Variants in BICRA observed in about 807,000 individuals in gnomAD.
BICRA encodes the protein BRD4-interacting chromatin-remodeling complex-associated protein.
Under a neutral mutation model 96.9 loss-of-function variants are expected in BICRA, and 31 were observed. The ratio of observed to expected loss-of-function variants is 0.32; its 90% CI spans 0.24 to 0.43. The LOEUF is 0.43. Among genes scored for constraint, BICRA ranks in the 20% least tolerant of loss-of-function variants. The probability of loss-of-function intolerance (pLI) is 1.00; values close to 1 mark genes in which losing one functional copy is unlikely to be tolerated. For missense variants in BICRA, 2,283 were observed against 2,190.3 expected (o/e 1.04, Z -0.84); for synonymous variants, 1,350 against 1,071.8 (o/e 1.26, Z -5.07).
At chr19:47,624,081 C>A (rs895093418) in intron 1 of BICRA, among the ~76,000 whole-genome samples, 1 of 152,008 alleles carries the variant, frequency 6.6e-6, no homozygotes, top group Non-Finnish European at 1.5e-5. Flanking sequence ...GAACTCCCGA[C>A]CTCAGATGAT....
At chr19:47,639,629 ATTTTTTT>A (rs55946534) in intron 1 of BICRA, among the ~76,000 whole-genome samples, 4 of 105,832 alleles carry the variant, frequency 3.8e-5, no homozygotes, top group African/African-American at 3.9e-5. Context: ...CGGCCAGCCA[ATTTTTTT>A]TTTTTTTTTT....
In BICRA at chr19:47,680,557, C is replaced by A; in HGVS notation, c.1387C>A (p.Gln463Lys). ...NQGSSIVIPA[Q>K]HMLPGQNQFL... is the part of the protein sequence containing the mutation. ...AGGCAGCAGCATCGTCATCCCCGCCCAGCACATGCTGCCGGGCCAGAACCA... is the reference window on the plus strand; with the variant it reads ...AGGCAGCAGCATCGTCATCCCCGCCAAGCACATGCTGCCGGGCCAGAACCA... Residue 463 changes from glutamine to lysine, a missense_variant, in exon 6 of 15, where the codon CAG becomes AAG. Coordinates refer to ENST00000594866, the MANE Select transcript of BICRA (RefSeq NM_001394372.1). 6.3e-7 allele frequency: 1 copy of A among 1,591,992 alleles called. No homozygotes were observed. The highest frequency in any genetic ancestry group is 2.3e-5 in the East Asian group (1 of 43,710).
intron 1 of BICRA, among the ~76,000 whole-genome samples, chr19:47,664,439 G>T (rs2123564687): frequency 6.6e-6 from 1 of 152,286 alleles, no homozygotes; most frequent in Non-Finnish European, 1.5e-5. Context: ...TTTATAGTGT[G>T]GTGGTGAAGA....
In BICRA at chr19:47,681,374, A is replaced by AC. The variant is rs200140795; in HGVS notation, c.2106+99dup. On this transcript the variant is annotated intron_variant, in intron 6 of 14. Transcript: ENST00000594866. ...GCGCCAAGATCCAAAAGTGGATGCCACTGTGGCAGCTGGGGGGGGAAGGTC... is the reference window on the plus strand; with the variant it reads ...GCGCCAAGATCCAAAAGTGGATGCCACCTGTGGCAGCTGGGGGGGGAAGGTC... The AC allele has an allele frequency of 3.6e-3, 3,884 of 1,076,316 alleles. 112 individuals carry two copies. In the African/African-American group the frequency reaches 0.074, roughly 21 times the overall value. The allele number at this position is 1,076,316 out of a possible 1,614,324, so 66.7% of individuals were successfully genotyped here.
chr19:47,667,042 G>A (rs1360425184), intron 1 of BICRA, among the ~76,000 whole-genome samples: 3 of 147,054 alleles, frequency 2.0e-5, no homozygotes, highest in Non-Finnish European at 4.5e-5. Flanking sequence ...TTTTTGAGAC[G>A]GAGTCTTGCT....
Position 47,694,947 on chromosome 19 carries a change from C to A in BICRA, c.2943C>A (p.Ala981=). 1 of 1,541,250 alleles carries A rather than the reference C, an allele frequency of 6.5e-7. No individual in the cohort carries two copies. The highest frequency in any genetic ancestry group is 2.2e-5 in the Admixed American group (1 of 46,106). The change falls in exon 9 of 15, where the codon GCC becomes GCA. Residue 981 remains alanine, a synonymous_variant. Transcript: ENST00000594866. ...AGAACAAGGCTGGGGGGGCCCCTGC[C>A]GCCCCGCAGACCTCCACCAGCCTGG... is the stretch of plus-strand genomic sequence containing the variant. ...ILQNKAGGAP[A]APQTSTSLGP... is the part of the protein sequence containing the mutation.
At position 47,636,531 on chromosome 19, in the gene BICRA, A is replaced by C. The variant is rs551422456; in HGVS notation, c.-108+27363A>C. On this transcript the variant is annotated intron_variant, in intron 1 of 14. Coordinates refer to ENST00000594866, the MANE Select transcript of BICRA (RefSeq NM_001394372.1). The stretch of plus-strand genomic sequence containing the variant: ...CCAGCCTGTATTATTAATATTATTG[A>C]GATGGAGTCTCTGTCACCCAGGCTG... 2.2e-4 allele frequency among the ~76,000 whole-genome samples: 33 copies of C among 151,840 alleles called. 1 individual carries two copies. The highest frequency in any genetic ancestry group is 8.0e-4 in the African/African-American group (33 of 41,388).
intron 7 of BICRA, among the ~76,000 whole-genome samples, chr19:47,691,161 T>G (rs1371334176): frequency 6.6e-6 from 1 of 152,240 alleles, no homozygotes; most frequent in Non-Finnish European, 1.5e-5. Flanking sequence ...CGCTCACTTG[T>G]GTGGCTATTA....
At chr19:47,632,920 T>C (rs191302137) in intron 1 of BICRA, among the ~76,000 whole-genome samples, 2 of 152,058 alleles carry the variant, frequency 1.3e-5, no homozygotes, top group African/African-American at 2.4e-5. Context: ...GACAGCAGAG[T>C]CTGCCTCCCG....
At chr19:47,613,495 T>A (rs1971940196) in intron 1 of BICRA, among the ~76,000 whole-genome samples, 1 of 152,090 alleles carries the variant, frequency 6.6e-6, no homozygotes, top group South Asian at 2.1e-4. Flanking sequence ...CTGGTCATAT[T>A]TGAGCTTTCT....
chr19:47,642,472 G>A (rs144200674), intron 1 of BICRA, among the ~76,000 whole-genome samples: 1,526 of 152,192 alleles, frequency 0.01, 27 homozygotes, highest in African/African-American at 0.034. Context: ...AGACTGAGGC[G>A]AGAGGACTGC....
chr19:47,651,946 G>T (rs1169594165), intron 1 of BICRA, among the ~76,000 whole-genome samples: 1 of 152,192 alleles, frequency 6.6e-6, no homozygotes, highest in Non-Finnish European at 1.5e-5. Context: ...ACCTGCTCTG[G>T]GACAGGAACG....
chr19:47,681,562 C>T (rs1489541565), intron 6 of BICRA, among the ~76,000 whole-genome samples: 1 of 152,024 alleles, frequency 6.6e-6, no homozygotes, highest in Non-Finnish European at 1.5e-5. Context: ...AAGAGAGGGA[C>T]CAGTGAACAG....
chr19:47,624,666 G>T (rs1409006619), intron 1 of BICRA, among the ~76,000 whole-genome samples: 1 of 151,560 alleles, frequency 6.6e-6, no homozygotes, highest in African/African-American at 2.4e-5. Context: ...AACAAGTTAT[G>T]CCTGTACCTC....
intron 7 of BICRA, among the ~76,000 whole-genome samples, chr19:47,688,953 A>T (rs1214012640): frequency 1.3e-5 from 2 of 151,868 alleles, no homozygotes; most frequent in Non-Finnish European, 2.9e-5. Flanking sequence ...CAGCCTCCCA[A>T]GTAACTTGGA....
chr19:47,681,499 C>G (rs535353565), intron 6 of BICRA, among the ~76,000 whole-genome samples: 61 of 152,168 alleles, frequency 4.0e-4, no homozygotes, highest in African/African-American at 1.4e-3. Flanking sequence ...GACTGATAGA[C>G]AAGGGGCAGG....
In BICRA at chr19:47,612,456, G is replaced by A. The variant is rs111354027; in HGVS notation, c.-108+3288G>A. On this transcript the variant is annotated intron_variant, in intron 1 of 14. Transcript: ENST00000594866. ...AAAATAAAAAATGTAAAGGTGAGTG[G>A]CAGAATACCTTTGCCCCAGAAGAAT... Among the ~76,000 whole-genome samples, 899 of 152,144 alleles carry A rather than the reference G, an allele frequency of 5.9e-3. 7 individuals are homozygous for A. The highest frequency in any genetic ancestry group is 0.021 in the African/African-American group (860 of 41,498).
intron 1 of BICRA, among the ~76,000 whole-genome samples, chr19:47,634,064 T>G (rs974711317): frequency 8.5e-5 from 13 of 152,210 alleles, no homozygotes; most frequent in African/African-American, 3.1e-4. Flanking sequence ...CATCCCAGGC[T>G]GCATACTGCA....
rs1427846020 is a variant in BICRA, at chr19:47,699,250, C to T, written c.3493-53C>T. ...CACGCATCGTCCCCGTCGCTCGCGC[C>T]CCTTCCCCCTTCTTGCTGGTTCACT... On this transcript the variant is annotated intron_variant, in intron 13 of 14. Coordinates refer to ENST00000594866, the MANE Select transcript of BICRA (RefSeq NM_001394372.1). The surrounding 1 kb of genome is among the most constrained non-coding windows in gnomAD (Gnocchi z 5.0). 1.5e-5 allele frequency: 16 copies of T among 1,073,136 alleles called. No individual in the cohort carries two copies. Among genetic ancestry groups the T allele is most frequent in the African/African-American group, 9.4e-5 (6 of 64,052 alleles). 66.5% of individuals were successfully genotyped at this position (1,073,136 alleles called of 1,614,324 possible).
Sources: gnomAD v4.1 joint callset for allele counts (sites outside exome capture counted in the v4.1 genomes callset) on GRCh38, gnomAD v4.1.1 for gene constraint, Gnocchi (gnomAD v3.1) non-coding constraint, MANE v1.5 for transcripts, NCBI Gene and HGNC (gene_info 2026-07-23, HGNC 2026-07-21) for gene names.